The following TMEM178B variants were observed in gnomAD, a reference collection of about 807,000 sequenced individuals.
TMEM178B encodes the protein transmembrane protein 178B.
TMEM178B carries 5 observed loss-of-function variants against 31.0 expected under a neutral mutation model. The observed-to-expected ratio is 0.16, with a 90% CI of 0.08 to 0.34. TMEM178B has a LOEUF of 0.34. Among genes scored for constraint, TMEM178B ranks in the 10% least tolerant of loss-of-function variants. The pLI is 1.00. For missense variants in TMEM178B, 275 were observed against 400.3 expected (o/e 0.69, Z 2.67); for synonymous variants, 164 against 164.0 (o/e 1.00, Z 0.00).
chr7:141,490,326 G>A, the TMEM178B span, among the ~76,000 whole-genome samples: 1 of 152,210 alleles, frequency 6.6e-6, no homozygotes, highest in Non-Finnish European at 1.5e-5. Flanking sequence ...GAAGTAATTA[G>A]ACTTGGCCCC....
the TMEM178B span, among the ~76,000 whole-genome samples, chr7:141,504,245 T>C: frequency 6.6e-6 from 1 of 152,226 alleles, no homozygotes; most frequent in East Asian, 1.9e-4. Flanking sequence ...CCCAAGCTTT[T>C]AAAGTACATA....
At position 141,437,681 on chromosome 7, in the gene TMEM178B, G is replaced by A. The variant is rs1006670949; in HGVS notation, c.570G>A (p.Val190=). 33 of 1,536,064 alleles carry A rather than the reference G, an allele frequency of 2.1e-5. No homozygotes were observed. The highest frequency in any genetic ancestry group is 2.9e-5 in the Non-Finnish European group (33 of 1,146,902). The change falls in exon 3 of 4, where the codon GTG becomes GTA. Residue 190 remains valine, a synonymous_variant. Coordinates refer to ENST00000565468, the MANE Select transcript of TMEM178B (RefSeq NM_001195278.2). Reference sequence around the variant, plus strand: ...TCCTCTTTGGCTGGATCATCGGCGTGCTGGGCTGCTGCTGGGACCGAGGCC... The same window carrying A: ...TCCTCTTTGGCTGGATCATCGGCGTACTGGGCTGCTGCTGGGACCGAGGCC... ...AIILFGWIIG[V]LGCCWDRGLM... is the part of the protein sequence containing the mutation.
intron 2 of TMEM178B, among the ~76,000 whole-genome samples, chr7:141,356,606 G>T (rs1799823402): frequency 6.9e-6 from 1 of 145,450 alleles, no homozygotes; most frequent in Admixed American, 6.8e-5. Context: ...CTTCCTTATA[G>T]ACTGTGGATA....
chr7:141,215,695 C>A (rs1377481071), intron 2 of TMEM178B, among the ~76,000 whole-genome samples: 1 of 151,912 alleles, frequency 6.6e-6, no homozygotes, highest in East Asian at 1.9e-4. Flanking sequence ...TAGTTTTTGC[C>A]AAAGGAAAGA....
At chr7:141,162,246 T>C (rs1226459299) in intron 1 of TMEM178B, among the ~76,000 whole-genome samples, 2 of 152,220 alleles carry the variant, frequency 1.3e-5, no homozygotes, top group African/African-American at 4.8e-5. Flanking sequence ...TGTCCTGCTC[T>C]TTCTCTCCAG....
At chr7:141,198,905 A>G (rs546707361) in intron 1 of TMEM178B, among the ~76,000 whole-genome samples, 1 of 152,288 alleles carries the variant, frequency 6.6e-6, no homozygotes, top group East Asian at 1.9e-4. Context: ...GAACTTTCCC[A>G]AAGGTCATTA....
rs148844711 is a variant in TMEM178B, at chr7:141,100,836, C to T, written c.382+26144C>T. Among the ~76,000 whole-genome samples, 225 of 152,078 alleles carry T rather than the reference C, an allele frequency of 1.5e-3. 1 individual carries two copies. The highest frequency in any genetic ancestry group is 4.3e-3 in the African/African-American group (179 of 41,494). ...TCATAAACTAATTCAAAATTTATTC[C>T]GAAAGAGGCATTCCAAATGTCTTCT... On this transcript the variant is annotated intron_variant, in intron 1 of 3. Coordinates refer to ENST00000565468, the MANE Select transcript of TMEM178B (RefSeq NM_001195278.2).
intron 1 of TMEM178B, among the ~76,000 whole-genome samples, chr7:141,163,914 A>C (rs1796218929): frequency 6.6e-6 from 1 of 152,176 alleles, no homozygotes; most frequent in Non-Finnish European, 1.5e-5. Flanking sequence ...TGATTTTTTT[A>C]GTGTTGTGAA....
At chr7:141,364,935 A>T (rs1025124207) in intron 2 of TMEM178B, among the ~76,000 whole-genome samples, 3 of 152,230 alleles carry the variant, frequency 2.0e-5, no homozygotes, top group Non-Finnish European at 4.4e-5. Flanking sequence ...TGGTTTTTCA[A>T]TAAAATCTGG....
intron 1 of TMEM178B, among the ~76,000 whole-genome samples, chr7:141,131,326 T>C (rs1367536662): frequency 6.6e-6 from 1 of 152,228 alleles, no homozygotes; most frequent in Non-Finnish European, 1.5e-5. Flanking sequence ...GCTTAATTTT[T>C]TTTTAAATTG....
At chr7:141,142,414 T>C (rs1333137150) in intron 1 of TMEM178B, among the ~76,000 whole-genome samples, 1 of 146,442 alleles carries the variant, frequency 6.8e-6, no homozygotes, top group Non-Finnish European at 1.5e-5. Context: ...TTTCTTTCTT[T>C]TTTTTTTTTT....
chr7:141,480,579 C>T (rs1170416519), downstream of TMEM178B, among the ~76,000 whole-genome samples: 4 of 152,168 alleles, frequency 2.6e-5, no homozygotes, highest in Non-Finnish European at 5.9e-5. Context: ...GTACATGCTT[C>T]GCATGTTGGG....
intron 2 of TMEM178B, among the ~76,000 whole-genome samples, chr7:141,275,473 A>G (rs896003913): frequency 6.6e-6 from 1 of 152,132 alleles, no homozygotes; most frequent in African/African-American, 2.4e-5. Context: ...ATGAAAGGGC[A>G]CTGATGTCCA....
chr7:141,104,798 A>C (rs1267999956), intron 1 of TMEM178B, among the ~76,000 whole-genome samples: 1 of 151,966 alleles, frequency 6.6e-6, no homozygotes, highest in Admixed American at 6.6e-5. Flanking sequence ...TGTGGTCTTC[A>C]TCTCCTCTTA....
chr7:141,122,830 GT>G (rs1348030881), intron 1 of TMEM178B, among the ~76,000 whole-genome samples: 2 of 152,100 alleles, frequency 1.3e-5, no homozygotes, highest in African/African-American at 4.8e-5. Context: ...ATAATAGCTT[GT>G]TTGTTTGTAT....
At chr7:141,236,847 A>G (rs897143519) in intron 2 of TMEM178B, among the ~76,000 whole-genome samples, 7 of 152,266 alleles carry the variant, frequency 4.6e-5, no homozygotes, top group African/African-American at 1.7e-4. Flanking sequence ...TGTGCAGGCC[A>G]AAAAGTAATG....
At chr7:141,301,502 C>T (rs1476200564) in intron 2 of TMEM178B, among the ~76,000 whole-genome samples, 2 of 151,804 alleles carry the variant, frequency 1.3e-5, no homozygotes, top group African/African-American at 2.4e-5. Context: ...GTAATCAAAA[C>T]CAGCAACATG....
chr7:141,319,486 A>G (rs183778045), intron 2 of TMEM178B, among the ~76,000 whole-genome samples: 79 of 152,318 alleles, frequency 5.2e-4, no homozygotes, highest in African/African-American at 1.8e-3. Context: ...ATAGAGGCTA[A>G]CTTCTGAAGC....
At chr7:141,376,238 G>T (rs904187448) in intron 2 of TMEM178B, among the ~76,000 whole-genome samples, 3 of 152,182 alleles carry the variant, frequency 2.0e-5, no homozygotes, top group Non-Finnish European at 2.9e-5. Flanking sequence ...ATAAGAAGAA[G>T]AATTTAAAAA....
Sources: gnomAD v4.1 joint callset for allele counts (sites outside exome capture counted in the v4.1 genomes callset) on GRCh38, gnomAD v4.1.1 for gene constraint, MANE v1.5 for transcripts, NCBI Gene and HGNC (gene_info 2026-07-23, HGNC 2026-07-21) for gene names.